The following SAMD5 variants were observed in gnomAD, a reference collection of about 807,000 sequenced individuals.
The protein encoded by SAMD5 is sterile alpha motif domain-containing protein 5.
Under a neutral mutation model 11.3 loss-of-function variants are expected in SAMD5, and 13 were observed. The ratio of observed to expected loss-of-function variants is 1.15; its 90% CI spans 0.75 to 1.83. SAMD5 has a LOEUF of 1.83. Ranked by LOEUF, SAMD5 falls within the 40% of genes most tolerant of loss-of-function variation. The probability of loss-of-function intolerance (pLI) is 0.00; values close to 1 mark genes in which losing one functional copy is unlikely to be tolerated. For missense variants in SAMD5, 255 were observed against 239.1 expected (o/e 1.07, Z -0.44); for synonymous variants, 129 against 111.3 (o/e 1.16, Z -1.00).
intron 1 of SAMD5, among the ~76,000 whole-genome samples, chr6:147,594,753 C>T (rs1789505167): frequency 6.6e-6 from 1 of 152,178 alleles, no homozygotes; most frequent in African/African-American, 2.4e-5. Context: ...AACCAGGCAT[C>T]TCTCAGAAAT....
chr6:147,891,914 C>A, the SAMD5 span, among the ~76,000 whole-genome samples: 1 of 152,172 alleles, frequency 6.6e-6, no homozygotes, highest in Non-Finnish European at 1.5e-5. Flanking sequence ...CTGGCTGTAG[C>A]CCTCCTGCAG....
At chr6:147,698,105 G>A (rs1436491563) in intron 1 of SAMD5, among the ~76,000 whole-genome samples, 3 of 152,166 alleles carry the variant, frequency 2.0e-5, no homozygotes, top group Admixed American at 6.5e-5. Context: ...AGAACCTTAT[G>A]CTGCCACTGA....
Position 147,592,665 on chromosome 6 carries a change from C to T in SAMD5, c.162+83278C>T, listed in dbSNP as rs145731283. On this transcript the variant is annotated intron_variant, in intron 1 of 1. Transcript: ENST00000566741. The stretch of plus-strand genomic sequence containing the variant: ...GGTGATGATGATGAACATGTTCGCT[C>T]TGAAGGACTGGGCAAGATGCTTAGC... Among the ~76,000 whole-genome samples the T allele has an allele frequency of 1.3e-3, 203 of 151,984 alleles. 1 individual carries two copies. The highest frequency in any genetic ancestry group is 4.6e-3 in the African/African-American group (190 of 41,454).
chr6:147,611,417 G>A (rs979655771), intron 1 of SAMD5, among the ~76,000 whole-genome samples: 8 of 151,878 alleles, frequency 5.3e-5, no homozygotes, highest in African/African-American at 1.7e-4. Flanking sequence ...AGAAAAATTA[G>A]CCAGGCATGG....
intron 1 of SAMD5, among the ~76,000 whole-genome samples, chr6:147,673,956 A>G (rs895541950): frequency 1.3e-5 from 2 of 152,210 alleles, no homozygotes; most frequent in Admixed American, 6.5e-5. Flanking sequence ...GTACAAGGCA[A>G]TTTTAAGCTC....
In SAMD5 at chr6:147,569,798, A is replaced by G. The variant is rs929415437; in HGVS notation, c.*5342A>G. 1.0e-6 allele frequency: 1 copy of G among 985,176 alleles called. No individual in the cohort carries two copies. The highest frequency in any genetic ancestry group is 1.7e-5 in the African/African-American group (1 of 57,260). 61.0% of individuals were successfully genotyped at this position (985,176 alleles called of 1,614,324 possible). On this transcript the variant is annotated 3_prime_UTR_variant, in exon 2 of 2. Coordinates refer to ENST00000367474, the MANE Select transcript of SAMD5 (RefSeq NM_001030060.3). ...CATGTGTATATCTGAGTAGCGAAGC[A>G]CAGATTCACTCTAATTGAAAGCAGC...
intron 1 of SAMD5, among the ~76,000 whole-genome samples, chr6:147,647,972 G>A (rs985969938): frequency 5.9e-5 from 9 of 152,156 alleles, no homozygotes; most frequent in Admixed American, 2.6e-4. Flanking sequence ...TCAAGGTTAC[G>A]TGACAGAATT....
At chr6:147,686,021 A>G (rs1326883350) in intron 1 of SAMD5, among the ~76,000 whole-genome samples, 3 of 152,228 alleles carry the variant, frequency 2.0e-5, no homozygotes, top group Non-Finnish European at 4.4e-5. Flanking sequence ...GTGTTTGGTG[A>G]CTGACAAAAT....
chr6:147,524,554 C>T (rs534304391), intron 1 of SAMD5, among the ~76,000 whole-genome samples: 1 of 152,034 alleles, frequency 6.6e-6, no homozygotes, highest in South Asian at 2.1e-4. Flanking sequence ...CTTCTTCATT[C>T]AGCTATATGT....
At chr6:147,726,548 A>G (rs1209956487) in intron 1 of SAMD5, among the ~76,000 whole-genome samples, 2 of 152,216 alleles carry the variant, frequency 1.3e-5, no homozygotes, top group African/African-American at 4.8e-5. Context: ...GTCCAGGCCC[A>G]GGCCCCGGCC....
the SAMD5 span, among the ~76,000 whole-genome samples, chr6:147,879,144 G>A: frequency 6.6e-6 from 1 of 152,214 alleles, no homozygotes. Context: ...TGTAGAGTCA[G>A]GACTGTTACT....
intron 1 of SAMD5, among the ~76,000 whole-genome samples, chr6:147,630,048 C>T (rs1430808887): frequency 1.3e-5 from 2 of 150,468 alleles, no homozygotes; most frequent in Non-Finnish European, 2.9e-5. Flanking sequence ...CTCCCAGGTT[C>T]AAGCAATTCT....
the SAMD5 span, among the ~76,000 whole-genome samples, chr6:147,807,324 C>G: frequency 1.3e-5 from 2 of 152,042 alleles, no homozygotes; most frequent in South Asian, 2.1e-4. Context: ...AGGATGGTCT[C>G]GATCTCCTGA....
chr6:147,872,438 TATTGTTAAGCGCTTTGCC>T, the SAMD5 span, among the ~76,000 whole-genome samples: 150 of 152,348 alleles, frequency 9.8e-4, no homozygotes, highest in Admixed American at 3.2e-3. Flanking sequence ...TGCCAAGCAC[TATTGTTAAGCGCTTTGCC>T]TGAATTAACT....
intron 1 of SAMD5, among the ~76,000 whole-genome samples, chr6:147,613,946 G>A (rs568138820): frequency 6.6e-6 from 1 of 152,050 alleles, no homozygotes; most frequent in Non-Finnish European, 1.5e-5. Flanking sequence ...TCTATAGAAT[G>A]AGGGAATCAG....
the SAMD5 span, among the ~76,000 whole-genome samples, chr6:147,819,325 TGGG>T: frequency 3.3e-5 from 5 of 152,010 alleles, no homozygotes; most frequent in Admixed American, 6.6e-5. Flanking sequence ...GGGGCCTACT[TGGG>T]GGTGGAGGAT....
the SAMD5 span, among the ~76,000 whole-genome samples, chr6:147,794,723 C>T: frequency 6.6e-5 from 10 of 152,066 alleles, no homozygotes; most frequent in African/African-American, 2.2e-4. Context: ...ACTGAATGCC[C>T]TTGAGGCACA....
chr6:147,595,765 T>C (rs1583099876), intron 1 of SAMD5, among the ~76,000 whole-genome samples: 1 of 152,060 alleles, frequency 6.6e-6, no homozygotes, highest in African/African-American at 2.4e-5. Context: ...GACCTCATGA[T>C]CCACCTGCCT....
intron 1 of SAMD5, among the ~76,000 whole-genome samples, chr6:147,736,881 A>G (rs1050639058): frequency 6.6e-6 from 1 of 152,184 alleles, no homozygotes; most frequent in South Asian, 2.1e-4. Flanking sequence ...TATTGCTAAC[A>G]GATAAATACT....
Sources: allele counts gnomAD v4.1 joint callset (sites outside exome capture counted in the v4.1 genomes callset), GRCh38; gene constraint gnomAD v4.1.1; transcripts MANE v1.5; gene names NCBI Gene and HGNC (gene_info 2026-07-23, HGNC 2026-07-21).